Variants in GDF3 observed in about 807,000 individuals in gnomAD.
The protein encoded by GDF3 is growth differentiation factor 3, also known as growth/differentiation factor 3.
Under a neutral mutation model 10.2 loss-of-function variants are expected in GDF3, and 10 were observed. That is an observed-to-expected ratio of 0.98 (90% CI 0.60 to 1.66). The LOEUF is 1.66. Among genes scored for constraint, GDF3 ranks in the 40% most tolerant of loss-of-function variants. The pLI, the probability that GDF3 is intolerant of heterozygous loss-of-function variation, is 0.00. For synonymous variants in GDF3, 166 were observed against 178.5 expected (o/e 0.93, Z 0.56); for missense variants, 450 against 438.3 (o/e 1.03, Z -0.24).
In GDF3 at chr12:7,689,990, A is replaced by G. The variant is rs938495929; in HGVS notation, c.983T>C (p.Val328Ala). The G allele has an allele frequency of 1.9e-6, 3 of 1,613,754 alleles. No individual in the cohort carries two copies. The highest frequency in any genetic ancestry group is 2.5e-6 in the Non-Finnish European group (3 of 1,179,818). The change falls in exon 2 of 2, where the codon GTG becomes GCG. Residue 328 changes from valine to alanine, a missense_variant. Coordinates refer to ENST00000329913, the MANE Select transcript of GDF3 (RefSeq NM_020634.3). ...HAVDPEIPQAVCIPTKLSPIS... is the reference protein window; with the variant it reads ...HAVDPEIPQAACIPTKLSPIS... ...GGGAGACAGCTTGGTGGGGATACAC[A>G]CAGCCTGGGGGATCTCTGGGTCAAC... is the stretch of plus-strand genomic sequence containing the variant.
At chr12:7,691,943 C>G in intron 1 of GDF3, among the ~76,000 whole-genome samples, 1 of 151,470 alleles carries the variant, frequency 6.6e-6, no homozygotes, top group East Asian at 1.9e-4. Context: ...GGAGGCGGAG[C>G]TTGCAGTGAG....
Position 7,690,399 on chromosome 12 carries a change from C to T in GDF3, c.574G>A (p.Asp192Asn). ...NLLDVAKDWN[D>N]NPRKNFGLFL... Reference sequence around the variant, plus strand: ...AACCCGAAATTTTTCCGGGGGTTGTCATTCCAATCCTTAGCTACATCCAGC... The same window carrying T: ...AACCCGAAATTTTTCCGGGGGTTGTTATTCCAATCCTTAGCTACATCCAGC... Residue 192 changes from aspartate to asparagine, a missense_variant, in exon 2 of 2, where the codon GAC (aspartate) becomes AAC (asparagine). Physicochemically the swap from Asp to Asn is conservative, Grantham distance 23. Transcript: ENST00000329913. 3.1e-6 allele frequency: 5 copies of T among 1,614,116 alleles called. No individual in the cohort carries two copies. Among genetic ancestry groups the T allele is most frequent in the South Asian group, 2.2e-5 (2 of 91,060 alleles).
chr12:7,691,686 T>A (rs1864131803), intron 1 of GDF3, among the ~76,000 whole-genome samples: 1 of 151,776 alleles, frequency 6.6e-6, no homozygotes, highest in African/African-American at 2.4e-5. Context: ...AAGCATTATA[T>A]ATATTACTAT....
chr12:7,690,143 C>T lies in GDF3; in HGVS notation c.830G>A (p.Gly277Asp), dbSNP rs770848532. The change falls in exon 2 of 2, where the codon GGT (glycine) becomes GAT (aspartate). Residue 277 changes from glycine (G) to aspartate (D), a missense_variant. Physicochemically the swap from Gly to Asp is moderately conservative, Grantham distance 94. Coordinates refer to ENST00000329913, the MANE Select transcript of GDF3 (RefSeq NM_020634.3). ...GGGGGCAATGATCCACTTGTGCCAACCCAGGTCCCGGAAGTTAATGAATAG... is the reference window on the plus strand; with the variant it reads ...GGGGGCAATGATCCACTTGTGCCAATCCAGGTCCCGGAAGTTAATGAATAG... ...HQLFINFRDL[G>D]WHKWIIAPKG... 2.5e-6 allele frequency: 4 copies of T among 1,614,134 alleles called. No individual in the cohort carries two copies. In the African/African-American group the frequency reaches 4.0e-5, roughly 16 times the overall value.
At chr12:7,691,968 C>T (rs931817112) in intron 1 of GDF3, among the ~76,000 whole-genome samples, 1 of 151,364 alleles carries the variant, frequency 6.6e-6, no homozygotes, top group African/African-American at 2.4e-5. Flanking sequence ...GATCACGCCA[C>T]TGCACTCCAG....
At chr12:7,693,894 A>G (rs770185568) in intron 1 of GDF3, among the ~76,000 whole-genome samples, 2 of 152,122 alleles carry the variant, frequency 1.3e-5, no homozygotes, top group Non-Finnish European at 2.9e-5. Flanking sequence ...TGGAGGCTGC[A>G]GTGAGCCGAG....
Position 7,690,719 on chromosome 12 carries a change from A to G in GDF3, c.269-15T>C. On this transcript the variant is annotated splice_polypyrimidine_tract_variant and intron_variant, in intron 1 of 1. Coordinates refer to ENST00000329913, the MANE Select transcript of GDF3 (RefSeq NM_020634.3). ...AAGAAAGAAACCTAGATGGGAAAAG[A>G]GACATGTCAGAGTCATAATGATGTA... 7.2e-7 allele frequency: 1 copy of G among 1,397,640 alleles called. No individual in the cohort carries two copies. Among genetic ancestry groups the G allele is most frequent in the Non-Finnish European group, 1.0e-6 (1 of 983,004 alleles). The allele number at this position is 1,397,640 out of a possible 1,614,324, so 86.6% of individuals were successfully genotyped here.
chr12:7,695,452 T>G lies in GDF3; in HGVS notation c.268+9A>C. Reference sequence around the variant, plus strand: ...AGATGTTTTTCTGGATAACACTCTATTTCCTTACCTTGGTCTGGGAGAAAG... The same window carrying G: ...AGATGTTTTTCTGGATAACACTCTAGTTCCTTACCTTGGTCTGGGAGAAAG... On this transcript the variant is annotated intron_variant, in intron 1 of 1. Transcript: ENST00000329913. 2 of 1,613,556 alleles carry G rather than the reference T, an allele frequency of 1.2e-6. No homozygotes were observed. Among genetic ancestry groups the G allele is most frequent in the Non-Finnish European group, 1.7e-6 (2 of 1,179,486 alleles).
Position 7,693,425 on chromosome 12 carries a change from G to C in GDF3, c.268+2036C>G, listed in dbSNP as rs552613795. Among the ~76,000 whole-genome samples the C allele has an allele frequency of 4.2e-3, 614 of 145,358 alleles. 1 individual carries two copies. The highest frequency in any genetic ancestry group is 7.1e-3 in the Non-Finnish European group (467 of 65,996). ...TAGTAGAGACGGGGGTCAGGGGAGT[G>C]GGGGGAGGGCCTTACCATGTTGGCT... On this transcript the variant is annotated intron_variant, in intron 1 of 1. Coordinates refer to ENST00000329913, the MANE Select transcript of GDF3 (RefSeq NM_020634.3).
In GDF3 at chr12:7,690,528, G is replaced by A; in HGVS notation, c.445C>T (p.Leu149=). Residue 149 remains leucine, a synonymous_variant, in exon 2 of 2, where the codon CTG becomes TTG. Coordinates refer to ENST00000329913, the MANE Select transcript of GDF3 (RefSeq NM_020634.3). ...CCCCACACATGAGGCTCCTGAACCA[G>A]GAACAGAGCCAGTTCCAGCTCTGGT... ...LGPELELALF[L]VQEPHVWGQT... The A allele has an allele frequency of 1.2e-6, 2 of 1,611,588 alleles. No individual in the cohort carries two copies. Among genetic ancestry groups the A allele is most frequent in the African/African-American group, 1.3e-5 (1 of 74,916 alleles).
At chr12:7,691,398 T>C (rs2136876286) in intron 1 of GDF3, among the ~76,000 whole-genome samples, 1 of 152,112 alleles carries the variant, frequency 6.6e-6, no homozygotes, top group East Asian at 1.9e-4. Flanking sequence ...CGTTTAGTTG[T>C]TGCAAATAAC....
In GDF3 at chr12:7,690,634, C is replaced by T; in HGVS notation, c.339G>A (p.Leu113=). 2 of 1,609,218 alleles carry T rather than the reference C, an allele frequency of 1.2e-6. No individual in the cohort carries two copies. The highest frequency in any genetic ancestry group is 1.3e-5 in the African/African-American group (1 of 74,552). The stretch of plus-strand genomic sequence containing the variant: ...ACTGTTCCCTTTCTTTGATGGCAGA[C>T]AGGTTAAAGTAGAGGAGCTTCTGCA... ...SCLQKLLYFN[L]SAIKEREQLT... Residue 113 remains leucine (L), a synonymous_variant, in exon 2 of 2, where the codon CTG becomes CTA. Transcript: ENST00000329913.
At position 7,695,464 on chromosome 12, in the gene GDF3, G is replaced by A; in HGVS notation, c.265C>T (p.Gln89Ter). The change falls in exon 1 of 2, where the codon CAA becomes TAA. Residue 89 changes from glutamine (Q) to a stop codon, truncating the protein, a stop_gained. Coordinates refer to ENST00000329913, the MANE Select transcript of GDF3 (RefSeq NM_020634.3). LOFTEE classifies it low-confidence loss of function (END_TRUNC). ...GGATAACACTCTATTTCCTTACCTT[G>A]GTCTGGGAGAAAGCGAAGTACATTC... ...RGNVLRFLPD[Q>*]GFFLYPKKIS... is the part of the protein sequence containing the mutation. The A allele has an allele frequency of 6.2e-7, 1 of 1,613,646 alleles. No homozygotes were observed. The highest frequency in any genetic ancestry group is 8.5e-7 in the Non-Finnish European group (1 of 1,179,660).
Position 7,690,693 on chromosome 12 carries a change from A to G in GDF3, c.280T>C (p.Tyr94His), listed in dbSNP as rs1864120270. The G allele has an allele frequency of 6.3e-7, 1 of 1,597,622 alleles. No individual in the cohort carries two copies. Among genetic ancestry groups the G allele is most frequent in the East Asian group, 2.2e-5 (1 of 44,800 alleles). The change falls in exon 2 of 2, where the codon TAC becomes CAC. Residue 94 changes from tyrosine to histidine, a missense_variant. Tyr to His is a moderately conservative substitution (Grantham distance 83). Transcript: ENST00000329913. ...GAAGCTTGGGAAATTTTCTTTGGGT[A>G]AAGAAAGAAACCTAGATGGGAAAAG... is the stretch of plus-strand genomic sequence containing the variant. ...RFLPDQGFFL[Y>H]PKKISQASSC...
In GDF3 at chr12:7,689,991, C is replaced by T; in HGVS notation, c.982G>A (p.Val328Met). The T allele has an allele frequency of 6.2e-7, 1 of 1,613,850 alleles. No homozygotes were observed. Among genetic ancestry groups the T allele is most frequent in the Non-Finnish European group, 8.5e-7 (1 of 1,179,790 alleles). ...HAVDPEIPQA[V>M]CIPTKLSPIS... ...GGAGACAGCTTGGTGGGGATACACA[C>T]AGCCTGGGGGATCTCTGGGTCAACG... is the stretch of plus-strand genomic sequence containing the variant. The change falls in exon 2 of 2, where the codon GTG becomes ATG. Residue 328 changes from valine to methionine, a missense_variant. Transcript: ENST00000329913.
intron 1 of GDF3, 49 bp from the exon 2 acceptor site, chr12:7,690,753 A>G (rs968432908): frequency 2.0e-6 from 2 of 996,038 alleles, no homozygotes; most frequent in Non-Finnish European, 3.2e-6. Flanking sequence ...TATTTACTTC[A>G]TATCCACCTA....
intron 1 of GDF3, 142 bp from the exon 2 acceptor site, chr12:7,690,846 C>T (rs1864121951): frequency 1.6e-6 from 1 of 642,106 alleles, no homozygotes; most frequent in Non-Finnish European, 2.7e-6. Context: ...GGGTTTGTTT[C>T]TCTATTCCTG....
At chr12:7,690,885 C>T (rs1448782252) in intron 1 of GDF3, among the ~76,000 whole-genome samples, 181 bp from the exon 2 acceptor site, 2 of 152,098 alleles carry the variant, frequency 1.3e-5, no homozygotes, top group African/African-American at 2.4e-5. Flanking sequence ...GGTGCGGCGG[C>T]TCACGCCTGT....
At position 7,690,602 on chromosome 12, in the gene GDF3, A is replaced by C. The variant is rs1864118832; in HGVS notation, c.371T>G (p.Leu124Trp). The change falls in exon 2 of 2, where the codon TTG (leucine) becomes TGG (tryptophan). Residue 124 changes from leucine to tryptophan, a missense_variant. Leu to Trp is a moderately conservative substitution (Grantham distance 61). Transcript: ENST00000329913. ...CCCCAAGTCCAGGCCCAGCTGGGCC[A>C]ATGTCAACTGTTCCCTTTCTTTGAT... ...SAIKEREQLT[L>W]AQLGLDLGPN... is the part of the protein sequence containing the mutation. The C allele has an allele frequency of 6.2e-7, 1 of 1,607,056 alleles. No homozygotes were observed. Among genetic ancestry groups the C allele is most frequent in the African/African-American group, 1.3e-5 (1 of 74,414 alleles).
Sources: allele counts gnomAD v4.1 joint callset (sites outside exome capture counted in the v4.1 genomes callset), GRCh38; gene constraint gnomAD v4.1.1; transcripts MANE v1.5; gene names NCBI Gene and HGNC (gene_info 2026-07-23, HGNC 2026-07-21).